Variants in PCDH15 observed in about 807,000 individuals in gnomAD.
PCDH15 encodes protocadherin-15.
Under a neutral mutation model 178.5 loss-of-function variants are expected in PCDH15, and 129 were observed. The observed-to-expected ratio is 0.72, with a 90% CI of 0.63 to 0.84. The LOEUF is 0.84. Among genes scored for constraint, PCDH15 ranks in the 40% least tolerant of loss-of-function variants. The pLI is 0.00. For missense variants in PCDH15, 2,230 were observed against 2,099.9 expected, an observed-to-expected ratio of 1.06 and a Z score of -1.21; for synonymous variants, 800 against 732.0, an observed-to-expected ratio of 1.09 and a Z score of -1.50.
intron 18 of PCDH15, among the ~76,000 whole-genome samples, chr10:54,066,477 G>A (rs1026676911): frequency 9.2e-5 from 14 of 152,052 alleles, no homozygotes; most frequent in Non-Finnish European, 1.6e-4. Flanking sequence ...ACATGTTTCT[G>A]TAAAATGTTT....
intron 2 of PCDH15, among the ~76,000 whole-genome samples, chr10:55,623,405 A>T (rs566557523): frequency 6.6e-6 from 1 of 152,156 alleles, no homozygotes; most frequent in South Asian, 2.1e-4. Flanking sequence ...TCTTCTAGTG[A>T]TCTTCTTTTA....
intron 3 of PCDH15, among the ~76,000 whole-genome samples, chr10:54,501,886 A>G (rs2080727286): frequency 6.6e-6 from 1 of 152,048 alleles, no homozygotes; most frequent in African/African-American, 2.4e-5. Flanking sequence ...AAATACTTGT[A>G]TTTTCCAATT....
intron 3 of PCDH15, among the ~76,000 whole-genome samples, chr10:54,383,182 T>G (rs1325243372): frequency 6.6e-6 from 1 of 151,980 alleles, no homozygotes; most frequent in Non-Finnish European, 1.5e-5. Context: ...AAATGTAAAA[T>G]GTACTTTCTG....
At chr10:54,292,774 CT>C (rs2059503132) in intron 8 of PCDH15, among the ~76,000 whole-genome samples, 1 of 151,972 alleles carries the variant, frequency 6.6e-6, no homozygotes, top group South Asian at 2.1e-4. Flanking sequence ...TGTGAGGGAC[CT>C]TTTCAAGGAG....
At chr10:55,137,293 T>C (rs774786979) in intron 2 of PCDH15, among the ~76,000 whole-genome samples, 21 of 152,350 alleles carry the variant, frequency 1.4e-4, no homozygotes, top group South Asian at 4.1e-4. Flanking sequence ...TATGTTTATA[T>C]GTGTATAAAT....
chr10:54,134,177 G>A (rs2042687197), intron 14 of PCDH15, among the ~76,000 whole-genome samples: 1 of 133,750 alleles, frequency 7.5e-6, no homozygotes, highest in Non-Finnish European at 1.6e-5. Flanking sequence ...CCAAGTAGCT[G>A]GGATTACAGG....
chr10:55,147,167 T>A (rs1027509839), intron 2 of PCDH15, among the ~76,000 whole-genome samples: 1 of 151,540 alleles, frequency 6.6e-6, no homozygotes, highest in African/African-American at 2.4e-5. Context: ...ATATATTATA[T>A]GACTGGTGTG....
chr10:54,100,855 T>C (rs1032006579), intron 15 of PCDH15, among the ~76,000 whole-genome samples: 5 of 152,048 alleles, frequency 3.3e-5, no homozygotes, highest in African/African-American at 1.2e-4. Flanking sequence ...TTTCCTATTC[T>C]TAGATACAAA....
intron 16 of PCDH15, among the ~76,000 whole-genome samples, chr10:54,085,695 A>T (rs1277986714): frequency 6.6e-6 from 1 of 152,150 alleles, no homozygotes; most frequent in Non-Finnish European, 1.5e-5. Flanking sequence ...CTTTTTCTTT[A>T]AAGACCCAGT....
chr10:53,888,683 ATATATATATATATATATAT>A lies in PCDH15; in HGVS notation c.3501+14541_3501+14559del, dbSNP rs1324455889. Among the ~76,000 whole-genome samples the A allele has an allele frequency of 5.6e-4, 24 of 43,006 alleles. 5 individuals are homozygous for A. In the East Asian group the frequency reaches 7.8e-3, roughly 14 times the overall value. 28.2% of individuals were successfully genotyped at this position (43,006 alleles called of 152,430 possible). A position where few individuals can be genotyped will look rare whatever the true frequency, so the allele number is the denominator to read the frequency against. On this transcript the variant is annotated intron_variant, in intron 26 of 37. Transcript: ENST00000644397. Reference sequence around the variant, plus strand: ...AAGTTTGATATATATATATATATATATATATATATATATATATATATCTCCTGTGGAAATTGATAAGCTG... The same window carrying A: ...AAGTTTGATATATATATATATATATAATCTCCTGTGGAAATTGATAAGCTG...
At chr10:54,084,500 AATT>A (rs1443041910) in intron 16 of PCDH15, among the ~76,000 whole-genome samples, 1 of 151,654 alleles carries the variant, frequency 6.6e-6, no homozygotes, top group Admixed American at 6.6e-5. Flanking sequence ...AAAAAATAAA[AATT>A]ATCACCTGTA....
intron 3 of PCDH15, among the ~76,000 whole-genome samples, chr10:54,407,547 G>A (rs1318511833): frequency 1.3e-5 from 2 of 151,878 alleles, no homozygotes; most frequent in Admixed American, 1.3e-4. Flanking sequence ...AAGCTAAAAA[G>A]CATTTGTCAC....
chr10:54,792,761 TAGAC>T (rs901136332), intron 1 of PCDH15, among the ~76,000 whole-genome samples: 14 of 151,968 alleles, frequency 9.2e-5, no homozygotes, highest in Middle Eastern at 3.4e-3. Context: ...TATCTACAGA[TAGAC>T]AGACAAATAG....
intron 1 of PCDH15, among the ~76,000 whole-genome samples, chr10:54,758,882 C>A (rs944973638): frequency 6.6e-6 from 1 of 152,282 alleles, no homozygotes; most frequent in East Asian, 1.9e-4. Context: ...TTTATGATTT[C>A]ATCTTTCCAA....
chr10:55,492,864 A>G (rs960767201), intron 2 of PCDH15, among the ~76,000 whole-genome samples: 1 of 151,796 alleles, frequency 6.6e-6, no homozygotes, highest in South Asian at 2.1e-4. Context: ...CAATAAAGAG[A>G]GGAAAATTAT....
In PCDH15 at chr10:53,805,466, T is replaced by C. The variant is rs762859242; in HGVS notation, c.*1113A>G. 1 of 152,076 alleles carries C rather than the reference T, an allele frequency of 6.6e-6. No individual in the cohort carries two copies. The highest frequency in any genetic ancestry group is 1.5e-5 in the Non-Finnish European group (1 of 67,968). The allele number at this position is 152,076 out of a possible 1,614,324, so 9.4% of individuals were successfully genotyped here. A position where few individuals can be genotyped will look rare whatever the true frequency, so the allele number is the denominator to read the frequency against. ...ATGGTAAAAAATCAAGACCATGTTC[T>C]TTGATTTTAAAAAATGCCCAGGCAA... is the stretch of plus-strand genomic sequence containing the variant. On this transcript the variant is annotated 3_prime_UTR_variant, in exon 38 of 38. Transcript: ENST00000644397.
rs59223623 is a variant in PCDH15, at chr10:55,463,971, AAGAG to A, written c.-156+163650_-156+163653del. Among the ~76,000 whole-genome samples the A allele has an allele frequency of 3.5e-4, 7 of 20,188 alleles. 2 individuals carry two copies. Among genetic ancestry groups the A allele is most frequent in the African/African-American group, 1.8e-3 (4 of 2,274 alleles). The allele number at this position is 20,188 out of a possible 152,430, so 13.2% of individuals were successfully genotyped here. On this transcript the variant is annotated intron_variant, in intron 2 of 5. Transcript: ENST00000613346. The stretch of plus-strand genomic sequence containing the variant: ...AAAGAAAGAAAGAAAGAAAGAAAGA[AAGAG>A]AAAGAAAGAAAGAAAGAGAAAGAAA...
chr10:55,266,824 C>G (rs1244892736), intron 1 of PCDH15, among the ~76,000 whole-genome samples: 2 of 152,190 alleles, frequency 1.3e-5, no homozygotes, highest in East Asian at 3.9e-4. Context: ...CAGGGGAAAA[C>G]CACCTCTGTT....
chr10:55,461,667 C>G (rs1453621857), intron 2 of PCDH15, among the ~76,000 whole-genome samples: 1 of 151,982 alleles, frequency 6.6e-6, no homozygotes, highest in Non-Finnish European at 1.5e-5. Context: ...CAGTTTCTTA[C>G]CAAAACGGAA....
Sources: gnomAD v4.1 joint callset for allele counts (sites outside exome capture counted in the v4.1 genomes callset) on GRCh38, gnomAD v4.1.1 for gene constraint, MANE v1.5 for transcripts, NCBI Gene and HGNC (gene_info 2026-07-23, HGNC 2026-07-21) for gene names.